The following WDR93 variants were observed in gnomAD, a reference collection of about 807,000 sequenced individuals.
The protein encoded by WDR93 is WD repeat domain 93.
A neutral mutation model predicts 82.9 loss-of-function variants in WDR93; 73 were observed. The observed-to-expected ratio is 0.88, with a 90% CI of 0.73 to 1.07. The LOEUF (loss-of-function observed/expected upper bound fraction) is 1.07, where lower values mean the gene tolerates loss of function less well. Ranked by LOEUF, WDR93 falls within the 50% of genes least tolerant of loss-of-function variation. WDR93 has a pLI of 0.00. For synonymous variants in WDR93, 283 were observed against 300.1 expected (o/e 0.94, Z 0.59); for missense variants, 738 against 826.0 (o/e 0.89, Z 1.31).
intron 1 of WDR93, among the ~76,000 whole-genome samples, chr15:89,699,857 A>T (rs1207646876): frequency 6.6e-6 from 1 of 152,162 alleles, no homozygotes. Flanking sequence ...TTGTGGAAAA[A>T]GTTATAACTG....
Position 89,693,316 on chromosome 15 carries a change from C to A in WDR93, c.-41+2459C>A, listed in dbSNP as rs187078971. Among the ~76,000 whole-genome samples, 135 of 152,344 alleles carry A rather than the reference C, an allele frequency of 8.9e-4. 1 individual carries two copies. Among genetic ancestry groups the A allele is most frequent in the African/African-American group, 3.0e-3 (125 of 41,570 alleles). On this transcript the variant is annotated intron_variant, in intron 1 of 16. Transcript: ENST00000268130. The stretch of plus-strand genomic sequence containing the variant: ...AAAGTGGCTATCCTATTTTGTATTA[C>A]CACTGACAATGCGTGAGAGCTTATC...
At chr15:89,716,071 C>A (rs2081688668) in intron 6 of WDR93, among the ~76,000 whole-genome samples, 2 of 152,084 alleles carry the variant, frequency 1.3e-5, no homozygotes, top group African/African-American at 4.8e-5. Flanking sequence ...ATATAGGAGA[C>A]CAAGATTGAG....
chr15:89,737,056 G>T (rs1201951682), intron 14 of WDR93, among the ~76,000 whole-genome samples: 1 of 152,220 alleles, frequency 6.6e-6, no homozygotes, highest in Non-Finnish European at 1.5e-5. Context: ...CTCCCAAAGT[G>T]CTGGGATTAC....
chr15:89,738,727 G>A (rs562442865), intron 16 of WDR93, among the ~76,000 whole-genome samples: 1 of 151,854 alleles, frequency 6.6e-6, no homozygotes, highest in South Asian at 2.1e-4. Flanking sequence ...GGTAGAAAAA[G>A]AGTCATTAAT....
intron 7 of WDR93, among the ~76,000 whole-genome samples, chr15:89,717,956 T>C (rs141457643): frequency 7.4e-4 from 112 of 152,318 alleles, no homozygotes; most frequent in African/African-American, 2.6e-3. Context: ...TCAGAAAGCA[T>C]GGCTCTTGGA....
chr15:89,720,365 C>T (rs777441756), intron 7 of WDR93, among the ~76,000 whole-genome samples: 1 of 151,896 alleles, frequency 6.6e-6, no homozygotes, highest in East Asian at 1.9e-4. Context: ...CTCTGCCTCC[C>T]GGGTTCAAGC....
chr15:89,705,748 C>T, intron 4 of WDR93, 130 bp downstream of exon 4: 1 of 677,850 alleles, frequency 1.5e-6, no homozygotes, highest in Non-Finnish European at 2.6e-6. Flanking sequence ...AGAGAGCCTC[C>T]TCCAAAATAT....
intron 8 of WDR93, among the ~76,000 whole-genome samples, chr15:89,723,568 TAAAA>T (rs1292242684): frequency 1.3e-5 from 2 of 152,006 alleles, no homozygotes; most frequent in African/African-American, 4.8e-5. Flanking sequence ...GTTATTAAGA[TAAAA>T]AATAGATAAG....
At chr15:89,690,698 T>A (rs1964822355), upstream of WDR93, 2 of 1,197,344 alleles carry the variant, frequency 1.7e-6, no homozygotes, top group East Asian at 2.6e-5. Flanking sequence ...GCCCGTCGGA[T>A]CCCCAGGGAA....
rs1020803898 is a variant in WDR93, at chr15:89,731,519, G to A, written c.1287G>A (p.Leu429=). The change falls in exon 12 of 17, where the codon CTG becomes CTA. Residue 429 remains leucine (L), a synonymous_variant. Transcript: ENST00000268130. ...QLSCSSSYLV[L]ACEDGVLTLW... is the part of the protein sequence containing the mutation. The stretch of plus-strand genomic sequence containing the variant: ...GCTGCTCCTCCTCCTACCTGGTGCT[G>A]GCCTGCGAGGATGGTGTGCTCACGC... 6.8e-6 allele frequency: 11 copies of A among 1,614,172 alleles called. No homozygotes were observed. The highest frequency in any genetic ancestry group is 8.5e-6 in the Non-Finnish European group (10 of 1,180,028).
chr15:89,730,650 C>G (rs1172875271), intron 11 of WDR93, among the ~76,000 whole-genome samples: 4 of 152,146 alleles, frequency 2.6e-5, no homozygotes, highest in Admixed American at 6.5e-5. Flanking sequence ...AATCCCAGTA[C>G]TTTGGGAGGC....
chr15:89,719,956 C>G (rs937648467), intron 7 of WDR93, among the ~76,000 whole-genome samples: 1 of 151,648 alleles, frequency 6.6e-6, no homozygotes, highest in Admixed American at 6.6e-5. Context: ...CCTGCCACCA[C>G]GCCTGGCTAA....
At chr15:89,736,576 C>G (rs1051436060) in intron 14 of WDR93, among the ~76,000 whole-genome samples, 2 of 152,044 alleles carry the variant, frequency 1.3e-5, no homozygotes, top group Non-Finnish European at 2.9e-5. Flanking sequence ...CCAGGGAAAA[C>G]TGCATGGGGA....
At chr15:89,732,916 C>A in intron 12 of WDR93, 90 bp from the exon 13 acceptor site, 1 of 1,219,992 alleles carries the variant, frequency 8.2e-7, no homozygotes, top group Non-Finnish European at 1.2e-6. Flanking sequence ...TCCTACAAGT[C>A]CCTCACACAC....
At chr15:89,702,547 G>T (rs925055285) in intron 2 of WDR93, among the ~76,000 whole-genome samples, 16 of 150,516 alleles carry the variant, frequency 1.1e-4, no homozygotes, top group African/African-American at 3.2e-4. Flanking sequence ...GTTTTTTGGG[G>T]TTTTTTTTTG....
At chr15:89,742,163 G>C (rs1010069264) in intron 16 of WDR93, among the ~76,000 whole-genome samples, 11 of 152,172 alleles carry the variant, frequency 7.2e-5, no homozygotes, top group Admixed American at 3.9e-4. Flanking sequence ...AGAGATGGAG[G>C]ATCACTTGAC....
At chr15:89,705,409 C>T (rs575797133) in intron 3 of WDR93, 145 bp from the exon 4 acceptor site, 1 of 663,430 alleles carries the variant, frequency 1.5e-6, no homozygotes, top group South Asian at 1.7e-5. Context: ...AGACCAAGAG[C>T]AGCATAGGCA....
intron 8 of WDR93, 141 bp downstream of exon 8, chr15:89,722,280 C>A: frequency 1.5e-6 from 1 of 660,200 alleles, no homozygotes; most frequent in Non-Finnish European, 2.5e-6. Context: ...TTTTTTAAAC[C>A]CATAAGCTCT....
At chr15:89,731,311 G>A in intron 11 of WDR93, 132 bp from the exon 12 acceptor site, 1 of 1,305,120 alleles carries the variant, frequency 7.7e-7, no homozygotes, top group East Asian at 2.3e-5. Context: ...GGATGATGGT[G>A]AGTCCAGACA....
Sources: allele counts gnomAD v4.1 joint callset (sites outside exome capture counted in the v4.1 genomes callset), GRCh38; gene constraint gnomAD v4.1.1; transcripts MANE v1.5; gene names NCBI Gene and HGNC (gene_info 2026-07-23, HGNC 2026-07-21).